The following MAP3K21 variants were observed in gnomAD, a reference collection of about 807,000 sequenced individuals.
MAP3K21 encodes mitogen-activated protein kinase kinase kinase 21, also known as mitogen-activated protein kinase kinase kinase MLK4.
A neutral mutation model predicts 86.1 loss-of-function variants in MAP3K21; 63 were observed. The ratio of observed to expected loss-of-function variants is 0.73; its 90% confidence interval spans 0.60 to 0.90. The LOEUF (loss-of-function observed/expected upper bound fraction) is 0.90, where lower values mean the gene tolerates loss of function less well. Ranked by LOEUF, MAP3K21 falls within the 40% of genes least tolerant of loss-of-function variation. MAP3K21 has a pLI of 0.00. For synonymous variants in MAP3K21, 558 were observed against 564.8 expected (o/e 0.99, Z 0.17); for missense variants, 1,220 against 1,367.7 (o/e 0.89, Z 1.70).
chr1:233,348,679 G>A (rs984485319), intron 2 of MAP3K21, among the ~76,000 whole-genome samples: 17 of 151,984 alleles, frequency 1.1e-4, no homozygotes, highest in East Asian at 3.9e-4. Flanking sequence ...CTTTTGATTC[G>A]GGCCGTCCTT....
intron 4 of MAP3K21, 105 bp downstream of exon 4, chr1:233,355,116 TCAA>T: frequency 2.4e-6 from 2 of 818,738 alleles, no homozygotes; most frequent in Non-Finnish European, 3.7e-6. Context: ...TCTTTAGATA[TCAA>T]TATTTGTTGA....
At chr1:233,375,089 C>T (rs918876808) in intron 6 of MAP3K21, among the ~76,000 whole-genome samples, 1 of 151,468 alleles carries the variant, frequency 6.6e-6, no homozygotes, top group Non-Finnish European at 1.5e-5. Flanking sequence ...TTACAGGCGC[C>T]CGCCACCATG....
At chr1:233,355,116 TCAATA>T in intron 4 of MAP3K21, 105 bp downstream of exon 4, 1 of 818,762 alleles carries the variant, frequency 1.2e-6, no homozygotes, top group Non-Finnish European at 1.8e-6. Context: ...TCTTTAGATA[TCAATA>T]TTTGTTGATT....
chr1:233,350,534 T>G (rs1663232172), intron 2 of MAP3K21, among the ~76,000 whole-genome samples: 1 of 152,208 alleles, frequency 6.6e-6, no homozygotes, highest in African/African-American at 2.4e-5. Flanking sequence ...AAAGCATGGC[T>G]TTACCTATGC....
At chr1:233,372,305 C>A in intron 6 of MAP3K21, 145 bp downstream of exon 6, 2 of 904,046 alleles carry the variant, frequency 2.2e-6, no homozygotes, top group Non-Finnish European at 1.6e-6. Flanking sequence ...ATTTGAGAAA[C>A]AAAACTTGAG....
intron 8 of MAP3K21, 26 bp downstream of exon 8, chr1:233,376,553 T>A: frequency 6.5e-7 from 1 of 1,536,964 alleles, no homozygotes; most frequent in East Asian, 2.2e-5. Flanking sequence ...GAGGTAGGAT[T>A]TGCTTGAGCA....
intron 4 of MAP3K21, among the ~76,000 whole-genome samples, chr1:233,360,562 G>T (rs1014689299): frequency 9.2e-5 from 14 of 152,086 alleles, no homozygotes; most frequent in African/African-American, 3.4e-4. Context: ...CCCCAAATTC[G>T]TAATCAGTTT....
chr1:233,346,713 A>G (rs1663148308), intron 2 of MAP3K21, 91 bp downstream of exon 2: 1 of 1,082,936 alleles, frequency 9.2e-7, no homozygotes, highest in Admixed American at 2.7e-5. Context: ...CTCAGCATAA[A>G]TAGTCGAGGC....
chr1:233,368,501 A>C (rs781111510), intron 5 of MAP3K21, among the ~76,000 whole-genome samples: 1 of 152,058 alleles, frequency 6.6e-6, no homozygotes, highest in Non-Finnish European at 1.5e-5. Context: ...AAAAATATAC[A>C]AAAATTAGCT....
rs1663476007 is a variant in MAP3K21, at chr1:233,362,083, CGGG to C, written c.1343_1345del (p.Arg448_Ala449delinsPro). On this transcript the variant is annotated inframe_deletion, in exon 5 of 10. Transcript: ENST00000366624. ...GCGATCCCGGGAAGAGGAGCTGACT[CGGG>C]CGGCTCTGCAGCAGAAGTCTCAGGA... The C allele has an allele frequency of 6.2e-7, 1 of 1,612,640 alleles. No homozygotes were observed. Among genetic ancestry groups the C allele is most frequent in the Non-Finnish European group, 8.5e-7 (1 of 1,179,436 alleles).
At chr1:233,369,257 G>A (rs1222350033) in intron 5 of MAP3K21, among the ~76,000 whole-genome samples, 5 of 151,300 alleles carry the variant, frequency 3.3e-5, no homozygotes, top group African/African-American at 1.2e-4. Flanking sequence ...AGGTGTGGTG[G>A]TGTGCGCCTG....
intron 1 of MAP3K21, among the ~76,000 whole-genome samples, chr1:233,339,273 C>CCTG (rs1662978470): frequency 2.8e-4 from 29 of 102,588 alleles, no homozygotes; most frequent in South Asian, 6.6e-4. Flanking sequence ...TCTTCCTCTT[C>CCTG]TTCTTCTTCT....
chr1:233,377,931 C>G (rs1250589137), intron 8 of MAP3K21, among the ~76,000 whole-genome samples: 1 of 152,132 alleles, frequency 6.6e-6, no homozygotes, highest in African/African-American at 2.4e-5. Flanking sequence ...GGGGTTCATG[C>G]TCCTATGAGA....
chr1:233,348,038 G>A (rs1162774217), intron 2 of MAP3K21, among the ~76,000 whole-genome samples: 1 of 152,120 alleles, frequency 6.6e-6, no homozygotes, highest in Non-Finnish European at 1.5e-5. Flanking sequence ...TGTACAGTTT[G>A]ATGGCATTTT....
In MAP3K21 at chr1:233,334,497, C is replaced by T. The variant is rs150610321; in HGVS notation, c.805+5664C>T. 2.6e-3 allele frequency among the ~76,000 whole-genome samples: 403 copies of T among 152,232 alleles called. 3 individuals are homozygous for T. The highest frequency in any genetic ancestry group is 9.1e-3 in the African/African-American group (377 of 41,532). ...AAAATCTGTTTAATGTTTCTTAACC[C>T]ATTAAAGCCAATTAGGTAAATACTG... On this transcript the variant is annotated intron_variant, in intron 1 of 9. Coordinates refer to ENST00000366624, the MANE Select transcript of MAP3K21 (RefSeq NM_032435.3).
intron 1 of MAP3K21, among the ~76,000 whole-genome samples, chr1:233,336,397 C>A (rs553816054): frequency 6.6e-6 from 1 of 151,774 alleles, no homozygotes; most frequent in Non-Finnish European, 1.5e-5. Flanking sequence ...AGAAATTAGC[C>A]GGACGTGGTG....
chr1:233,334,009 C>T (rs1025694515), intron 1 of MAP3K21, among the ~76,000 whole-genome samples: 4 of 152,056 alleles, frequency 2.6e-5, no homozygotes, highest in Non-Finnish European at 5.9e-5. Flanking sequence ...ACTACAGGCG[C>T]CCGCCACCAC....
At chr1:233,329,390 A>T (rs1348815355) in intron 1 of MAP3K21, among the ~76,000 whole-genome samples, 1 of 152,226 alleles carries the variant, frequency 6.6e-6, no homozygotes. Flanking sequence ...GCGGTGGCTC[A>T]TACCTGTAAT....
At chr1:233,360,286 T>C (rs1034043376) in intron 4 of MAP3K21, among the ~76,000 whole-genome samples, 1 of 152,180 alleles carries the variant, frequency 6.6e-6, no homozygotes, top group Non-Finnish European at 1.5e-5. Flanking sequence ...AGTTAAAAAA[T>C]GGATTACAGA....
Sources: allele counts gnomAD v4.1 joint callset (sites outside exome capture counted in the v4.1 genomes callset), GRCh38; gene constraint gnomAD v4.1.1; transcripts MANE v1.5; gene names NCBI Gene and HGNC (gene_info 2026-07-23, HGNC 2026-07-21).